The following LARGE1 variants were observed in gnomAD, a reference collection of about 807,000 sequenced individuals.
The protein encoded by LARGE1 is xylosyl- and glucuronyltransferase LARGE1.
A neutral mutation model predicts 87.6 loss-of-function variants in LARGE1; 43 were observed. The ratio of observed to expected loss-of-function variants is 0.49; its 90% CI spans 0.38 to 0.63. The LOEUF (loss-of-function observed/expected upper bound fraction) is 0.63. Ranked by LOEUF, LARGE1 falls within the 30% of genes least tolerant of loss-of-function variation. The probability of loss-of-function intolerance (pLI) is 0.00; values close to 1 mark genes in which losing one functional copy is unlikely to be tolerated. For synonymous variants in LARGE1, 434 were observed against 394.6 expected, an observed-to-expected ratio of 1.10 and a Z score of -1.18; for missense variants, 802 against 1,000.2, an observed-to-expected ratio of 0.80 and a Z score of 2.67.
chr22:33,107,690 T>A, the LARGE1 span, among the ~76,000 whole-genome samples: 1 of 152,112 alleles, frequency 6.6e-6, no homozygotes, highest in East Asian at 1.9e-4. Flanking sequence ...CAAAGCAATA[T>A]CCTGTCTCTA....
intron 6 of LARGE1, 60 bp downstream of exon 6, chr22:33,564,788 A>G (rs1276033428): frequency 6.3e-7 from 1 of 1,576,506 alleles, no homozygotes; most frequent in Admixed American, 1.7e-5. Context: ...GTCAACCCCT[A>G]TTCTTGGCAT....
intron 11 of LARGE1, among the ~76,000 whole-genome samples, chr22:33,267,192 G>A (rs1005603204): frequency 6.6e-6 from 1 of 151,710 alleles, no homozygotes; most frequent in Non-Finnish European, 1.5e-5. Context: ...AGTGAGCTGA[G>A]ATTGTGCTAC....
chr22:33,149,266 TCTC>T, the LARGE1 span, among the ~76,000 whole-genome samples: 1 of 151,950 alleles, frequency 6.6e-6, no homozygotes, highest in Non-Finnish European at 1.5e-5. Flanking sequence ...ATGGTCTCGA[TCTC>T]CTGACCTCGT....
intron 11 of LARGE1, among the ~76,000 whole-genome samples, chr22:33,256,843 G>A (rs528620656): frequency 1.9e-4 from 29 of 152,232 alleles, no homozygotes; most frequent in African/African-American, 5.8e-4. Context: ...GTCTCAGACT[G>A]GTAAATTTCA....
rs546555471 is a variant in LARGE1, at chr22:33,259,633, C to A, written c.1730+44596G>T. 7.2e-5 allele frequency among the ~76,000 whole-genome samples: 11 copies of A among 152,226 alleles called. No individual in the cohort carries two copies. In the South Asian group the frequency reaches 2.3e-3, roughly 32 times the overall value. On this transcript the variant is annotated intron_variant, in intron 11 of 11. Coordinates refer to the LARGE1 transcript ENST00000608642. ...TCTCATTAAATTCCAATTAGTTTAC[C>A]CACTTGGGTCATTGAATCCACAATT...
chr22:33,585,808 G>C (rs1160749948), intron 5 of LARGE1, among the ~76,000 whole-genome samples: 2 of 152,204 alleles, frequency 1.3e-5, no homozygotes, highest in African/African-American at 2.4e-5. Flanking sequence ...GGGATGTAAA[G>C]TGAGTCTTTC....
At chr22:33,749,869 G>GT (rs1297360202) in intron 2 of LARGE1, among the ~76,000 whole-genome samples, 1 of 152,022 alleles carries the variant, frequency 6.6e-6, no homozygotes, top group Non-Finnish European at 1.5e-5. Context: ...TCTACCAGTT[G>GT]TTTCTATATC....
chr22:33,369,230 C>T (rs1054609169), intron 9 of LARGE1, among the ~76,000 whole-genome samples: 1 of 152,184 alleles, frequency 6.6e-6, no homozygotes, highest in African/African-American at 2.4e-5. Flanking sequence ...CAAAATGTCA[C>T]AGGAAGAGAC....
chr22:33,549,722 A>G (rs2077468332), intron 6 of LARGE1, among the ~76,000 whole-genome samples: 1 of 152,216 alleles, frequency 6.6e-6, no homozygotes, highest in African/African-American at 2.4e-5. Context: ...CAAGTCAAAG[A>G]GCACATGGAT....
the LARGE1 span, among the ~76,000 whole-genome samples, chr22:33,067,096 C>T: frequency 2.0e-3 from 306 of 152,010 alleles, 5 homozygotes; most frequent in Admixed American, 0.02. Flanking sequence ...GAGAGGGGCT[C>T]CCTTTCCTGG....
chr22:33,827,840 C>T (rs1031135995), intron 1 of LARGE1, among the ~76,000 whole-genome samples: 1 of 152,190 alleles, frequency 6.6e-6, no homozygotes, highest in Non-Finnish European at 1.5e-5. Flanking sequence ...TCAACACCTC[C>T]TCCCCTAGAG....
Position 33,273,801 on chromosome 22 carries a change from AC to A in LARGE1, c.*625del. ...ATTGCCAGCCCCAAAAATAAACAAA[AC>A]CCCCAAAGAAAAACAAAACAAAACA... On this transcript the variant is annotated 3_prime_UTR_variant, in exon 15 of 15. Transcript: ENST00000397394. 2.5e-6 allele frequency: 1 copy of A among 394,534 alleles called. No individual in the cohort carries two copies. Among genetic ancestry groups the A allele is most frequent in the Non-Finnish European group, 4.4e-6 (1 of 226,052 alleles). The allele number at this position is 394,534 out of a possible 1,614,324, so 24.4% of individuals were successfully genotyped here. A position where few individuals can be genotyped will look rare whatever the true frequency, so the allele number is the denominator to read the frequency against.
At chr22:33,502,815 C>T (rs2070536191) in intron 6 of LARGE1, among the ~76,000 whole-genome samples, 2 of 152,188 alleles carry the variant, frequency 1.3e-5, no homozygotes, top group Non-Finnish European at 2.9e-5. Flanking sequence ...GATCTGCCCA[C>T]CTCAGCCTCC....
At chr22:33,767,851 G>C (rs1329907227) in intron 1 of LARGE1, among the ~76,000 whole-genome samples, 1 of 152,194 alleles carries the variant, frequency 6.6e-6, no homozygotes, top group Non-Finnish European at 1.5e-5. Context: ...ACTGATCCTA[G>C]GTGCATATAA....
At chr22:33,099,584 G>A in the LARGE1 span, among the ~76,000 whole-genome samples, 1 of 152,172 alleles carries the variant, frequency 6.6e-6, no homozygotes, top group African/African-American at 2.4e-5. Context: ...AGGTGGGCAA[G>A]GCGTGTTCCC....
the LARGE1 span, among the ~76,000 whole-genome samples, chr22:33,151,236 T>G: frequency 3.3e-5 from 5 of 152,298 alleles, no homozygotes; most frequent in East Asian, 7.7e-4. Flanking sequence ...TTTTTTAAAT[T>G]TATATTTCCA....
intron 11 of LARGE1, among the ~76,000 whole-genome samples, chr22:33,261,122 G>A (rs916559317): frequency 2.6e-5 from 4 of 152,126 alleles, no homozygotes; most frequent in Non-Finnish European, 2.9e-5. Context: ...CTTCGTGCTC[G>A]CCTGTGTGCC....
intron 1 of LARGE1, among the ~76,000 whole-genome samples, chr22:33,890,207 C>T (rs1447613979): frequency 6.6e-6 from 1 of 152,230 alleles, no homozygotes; most frequent in African/African-American, 2.4e-5. Flanking sequence ...ATCCTAGTTT[C>T]TCCCCTACCC....
chr22:33,785,119 A>G (rs995048955), intron 1 of LARGE1, among the ~76,000 whole-genome samples: 2 of 62,786 alleles, frequency 3.2e-5, no homozygotes, highest in Non-Finnish European at 6.2e-5. Context: ...ACATATGTGT[A>G]TATGCATATA....
Sources: gnomAD v4.1 joint callset for allele counts (sites outside exome capture counted in the v4.1 genomes callset) on GRCh38, gnomAD v4.1.1 for gene constraint, MANE v1.5 for transcripts, NCBI Gene and HGNC (gene_info 2026-07-23, HGNC 2026-07-21) for gene names.